Variants in ANKRD26 observed in about 807,000 individuals in gnomAD.
ANKRD26 encodes the protein ankyrin repeat domain-containing protein 26.
A neutral mutation model predicts 208.7 loss-of-function variants in ANKRD26; 141 were observed. The observed-to-expected ratio is 0.68, with a 90% CI of 0.59 to 0.78. The LOEUF (loss-of-function observed/expected upper bound fraction) is 0.78, where lower values mean the gene tolerates loss of function less well. Ranked by LOEUF, ANKRD26 falls within the 30% of genes least tolerant of loss-of-function variation. The pLI, the probability that ANKRD26 is intolerant of heterozygous loss-of-function variation, is 0.00. For missense variants in ANKRD26, 1,889 were observed against 1,938.7 expected (o/e 0.97, Z 0.48); for synonymous variants, 636 against 660.4 (o/e 0.96, Z 0.57).
chr10:27,014,738 T>A, intron 30 of ANKRD26, 27 bp from the exon 31 acceptor site: 1 of 1,576,768 alleles, frequency 6.3e-7, no homozygotes, highest in Non-Finnish European at 8.7e-7. Context: ...GCATATGTTT[T>A]AAAAATATAT....
intron 18 of ANKRD26, among the ~76,000 whole-genome samples, chr10:27,044,432 A>C (rs923253446): frequency 3.9e-5 from 6 of 152,130 alleles, no homozygotes; most frequent in Non-Finnish European, 8.8e-5. Context: ...ATATCATAAC[A>C]AACAAATTTA....
At position 27,060,992 on chromosome 10, in the gene ANKRD26, C is replaced by T; in HGVS notation, c.1462+152G>A. Reference sequence around the variant, plus strand: ...TACAAGTATTTATCATGTTCTTCAACTTGTCCTGTAATTTAGGAAGCACAC... The same window carrying T: ...TACAAGTATTTATCATGTTCTTCAATTTGTCCTGTAATTTAGGAAGCACAC... On this transcript the variant is annotated intron_variant, in intron 13 of 33. Transcript: ENST00000376087. 5 of 678,838 alleles carry T rather than the reference C, an allele frequency of 7.4e-6. No individual in the cohort carries two copies. The South Asian group carries it at 8.6e-5, about 12-fold the overall frequency. 42.1% of individuals were successfully genotyped at this position (678,838 alleles called of 1,614,324 possible).
At chr10:27,009,104 G>A (rs150361065) in intron 32 of ANKRD26, among the ~76,000 whole-genome samples, 2,507 of 152,300 alleles carry the variant, frequency 0.016, 153 homozygotes, top group East Asian at 0.16. Context: ...CTCCCAAAGT[G>A]CTGGGATTAC....
intron 9 of ANKRD26, 199 bp downstream of exon 9, chr10:27,077,139 G>T (rs1407528664): frequency 1.7e-6 from 1 of 598,394 alleles, no homozygotes; most frequent in Non-Finnish European, 2.9e-6. Flanking sequence ...ACATCACAAA[G>T]TAATAATTCA....
rs1372613405 is a variant in ANKRD26, at chr10:27,033,317, C to G, written c.3715G>C (p.Glu1239Gln). ...ADTLKKQSMSEASLEVTSRYR... is the reference protein window; with the variant it reads ...ADTLKKQSMSQASLEVTSRYR... The stretch of plus-strand genomic sequence containing the variant: ...CGTGACGTAACCTCCAGTGAAGCCT[C>G]TGACATAGATTGTTTTTTTAGGGTA... Residue 1239 changes from glutamate to glutamine, a missense_variant, in exon 25 of 34, where the codon GAG becomes CAG. Coordinates refer to ENST00000376087, the MANE Select transcript of ANKRD26 (RefSeq NM_014915.3). 1.2e-6 allele frequency: 2 copies of G among 1,612,656 alleles called. No homozygotes were observed. Among genetic ancestry groups the G allele is most frequent in the East Asian group, 2.2e-5 (1 of 44,764 alleles).
chr10:27,092,640 C>T (rs534686650), intron 3 of ANKRD26, 128 bp from the exon 4 acceptor site: 2 of 748,032 alleles, frequency 2.7e-6, no homozygotes, highest in African/African-American at 1.8e-5. Context: ...CACTTGCTTC[C>T]CTTGGAAACA....
chr10:27,058,284 C>CA (rs1450966163), intron 15 of ANKRD26, among the ~76,000 whole-genome samples: 2 of 152,060 alleles, frequency 1.3e-5, no homozygotes, highest in Admixed American at 6.6e-5. Flanking sequence ...ATCCAATATC[C>CA]ATTCAAGGGT....
intron 3 of ANKRD26, among the ~76,000 whole-genome samples, chr10:26,983,829 C>G (rs1022142231): frequency 1.3e-5 from 2 of 152,044 alleles, no homozygotes; most frequent in Non-Finnish European, 2.9e-5. Flanking sequence ...ACGTATTGTC[C>G]TTTTTTATGC....
intron 5 of ANKRD26, chr10:26,995,035 G>A (rs1407982652): frequency 2.1e-6 from 1 of 470,754 alleles, no homozygotes; most frequent in African/African-American, 2.0e-5. Context: ...AGACCCATCT[G>A]CATACCAGTC....
intron 29 of ANKRD26, among the ~76,000 whole-genome samples, chr10:27,020,694 T>C (rs2053457062): frequency 6.6e-6 from 1 of 152,216 alleles, no homozygotes; most frequent in Non-Finnish European, 1.5e-5. Context: ...GTTTCACTCT[T>C]GTCACCCAGG....
In ANKRD26 at chr10:27,004,830, C is replaced by G. The variant is rs1192254125; in HGVS notation, c.*760G>C. On this transcript the variant is annotated 3_prime_UTR_variant, in exon 34 of 34. Coordinates refer to ENST00000376087, the MANE Select transcript of ANKRD26 (RefSeq NM_014915.3). ...CATGGATTAGAATGGGATCCTTTTG[C>G]TATAAAGGACATTACAGAGAAGTAA... 6.3e-6 allele frequency: 1 copy of G among 158,498 alleles called. No homozygotes were observed. 9.8% of individuals were successfully genotyped at this position (158,498 alleles called of 1,614,324 possible). A position where few individuals can be genotyped will look rare whatever the true frequency, so the allele number is the denominator to read the frequency against.
intron 15 of ANKRD26, 70 bp downstream of exon 15, chr10:27,060,275 G>A (rs2055006196): frequency 3.8e-6 from 5 of 1,323,452 alleles, no homozygotes; most frequent in Non-Finnish European, 5.4e-6. Flanking sequence ...AGAAAACTGT[G>A]AGCATTTCAA....
At chr10:27,078,965 C>A (rs1321437514) in intron 7 of ANKRD26, 124 bp downstream of exon 7, 14 of 719,220 alleles carry the variant, frequency 1.9e-5, no homozygotes, top group Admixed American at 8.0e-5. Flanking sequence ...AAATGGCTTC[C>A]CCTGACCACC....
At chr10:27,070,101 TAAA>T (rs34493349) in intron 9 of ANKRD26, among the ~76,000 whole-genome samples, 8 of 109,104 alleles carry the variant, frequency 7.3e-5, no homozygotes, top group Admixed American at 1.9e-4. Context: ...ACTCTGTATT[TAAA>T]AAAAAAAAAA....
At position 27,092,520 on chromosome 10, in the gene ANKRD26, A is replaced by G; in HGVS notation, c.532-8T>C. ...AAGTGGTGTGAGGTCATCCTGTAAG[A>G]CAGCAAAAACAAGTTAAAATGCATA... On this transcript the variant is annotated splice_region_variant and splice_polypyrimidine_tract_variant and intron_variant, in intron 3 of 33. Coordinates refer to ENST00000376087, the MANE Select transcript of ANKRD26 (RefSeq NM_014915.3). The G allele has an allele frequency of 6.3e-7, 1 of 1,597,288 alleles. No homozygotes were observed. Among genetic ancestry groups the G allele is most frequent in the Non-Finnish European group, 8.6e-7 (1 of 1,165,662 alleles).
the ANKRD26 span, among the ~76,000 whole-genome samples, chr10:26,955,114 C>T: frequency 2.0e-5 from 3 of 151,888 alleles, no homozygotes; most frequent in African/African-American, 7.2e-5. Context: ...TTCTATAATG[C>T]AGCTCACCTC....
chr10:27,030,106 T>C (rs2053815112), intron 25 of ANKRD26, among the ~76,000 whole-genome samples: 1 of 152,212 alleles, frequency 6.6e-6, no homozygotes, highest in Non-Finnish European at 1.5e-5. Flanking sequence ...TGTGATTCTT[T>C]TTACTGTATT....
At chr10:27,045,863 C>T (rs900271132) in intron 18 of ANKRD26, among the ~76,000 whole-genome samples, 4 of 152,078 alleles carry the variant, frequency 2.6e-5, no homozygotes, top group Non-Finnish European at 5.9e-5. Context: ...AATGAACAAC[C>T]TCTTAGCAAA....
In ANKRD26 at chr10:26,993,811, A is replaced by T. The variant is rs559127517; in HGVS notation, c.*29+1230T>A. On this transcript the variant is annotated intron_variant, in intron 5 of 5. Transcript: ENST00000445828. Reference sequence around the variant, plus strand: ...CAACATGGAAGGCTGGAGCCATTGGAAAGAGGCATGAGTCTGCATATCCAG... The same window carrying T: ...CAACATGGAAGGCTGGAGCCATTGGTAAGAGGCATGAGTCTGCATATCCAG... Among the ~76,000 whole-genome samples, 4 of 152,284 alleles carry T rather than the reference A, an allele frequency of 2.6e-5. No individual in the cohort carries two copies. The East Asian group carries it at 7.7e-4, about 29-fold the overall frequency.
Sources: gnomAD v4.1 joint callset for allele counts (sites outside exome capture counted in the v4.1 genomes callset) on GRCh38, gnomAD v4.1.1 for gene constraint, MANE v1.5 for transcripts, NCBI Gene and HGNC (gene_info 2026-07-23, HGNC 2026-07-21) for gene names.